The following NECTIN2 variants were observed in gnomAD, a reference collection of about 807,000 sequenced individuals.
NECTIN2 encodes nectin cell adhesion molecule 2, also known as nectin-2.
A neutral mutation model predicts 56.9 loss-of-function variants in NECTIN2; 23 were observed. The ratio of observed to expected loss-of-function variants is 0.40; its 90% CI spans 0.29 to 0.57. NECTIN2 has a LOEUF of 0.57. Among genes scored for constraint, NECTIN2 ranks in the 20% least tolerant of loss-of-function variants. The pLI is 0.38. For missense variants in NECTIN2, 587 were observed against 718.3 expected (o/e 0.82, Z 2.09); for synonymous variants, 302 against 313.8 (o/e 0.96, Z 0.40).
At chr19:44,860,086 A>G (rs1969014547) in intron 1 of NECTIN2, among the ~76,000 whole-genome samples, 1 of 152,228 alleles carries the variant, frequency 6.6e-6, no homozygotes, top group Non-Finnish European at 1.5e-5. Flanking sequence ...CAAGATGCCA[A>G]GTGAAAGAAG....
chr19:44,874,628 C>T lies in NECTIN2; in HGVS notation c.1042+150C>T. On this transcript the variant is annotated intron_variant, in intron 5 of 8. Transcript: ENST00000252483. This position sits in a 1 kb window ranked among gnomAD's most constrained non-coding sequence, Gnocchi z 6.3. ...TGGCTGAGGGGAGATGAGGGTTGGC[C>T]TTCCCCTCGTGGCCTCAGACTGGGG... is the stretch of plus-strand genomic sequence containing the variant. The T allele has an allele frequency of 3.0e-6, 3 of 993,474 alleles. No individual in the cohort carries two copies. In the South Asian group the frequency reaches 4.6e-5, roughly 15 times the overall value. The allele number at this position is 993,474 out of a possible 1,614,324, so 61.5% of individuals were successfully genotyped here.
At chr19:44,876,581 C>T (rs1348743542) in intron 5 of NECTIN2, among the ~76,000 whole-genome samples, 1 of 152,164 alleles carries the variant, frequency 6.6e-6, no homozygotes, top group African/African-American at 2.4e-5. Flanking sequence ...AGAGGAGACA[C>T]ACTCAAAGCT....
intron 2 of NECTIN2, among the ~76,000 whole-genome samples, chr19:44,870,729 C>CTT (rs869253464): frequency 4.2e-5 from 6 of 141,744 alleles, no homozygotes; most frequent in African/African-American, 5.2e-5. Flanking sequence ...TTTTTTTTTC[C>CTT]TTTTTTTTTT....
At chr19:44,871,723 G>A (rs1969176008) in intron 2 of NECTIN2, 130 bp from the exon 3 acceptor site, 24 of 1,039,010 alleles carry the variant, frequency 2.3e-5, no homozygotes, top group Non-Finnish European at 3.3e-5. Context: ...CCCAAGCCAG[G>A]CCGCTGATAA....
Position 44,846,521 on chromosome 19 carries a change from C to T in NECTIN2, c.-5C>T. 6.6e-7 allele frequency: 1 copy of T among 1,508,704 alleles called. No homozygotes were observed. Among genetic ancestry groups the T allele is most frequent in the Admixed American group, 2.1e-5 (1 of 48,038 alleles). 93.5% of individuals were successfully genotyped at this position (1,508,704 alleles called of 1,614,324 possible). A position where few individuals can be genotyped will look rare whatever the true frequency, so the allele number is the denominator to read the frequency against. On this transcript the variant is annotated 5_prime_UTR_variant, in exon 1 of 9. Coordinates refer to ENST00000252483, the MANE Select transcript of NECTIN2 (RefSeq NM_001042724.2). ...GGCCGGGCCCAGTCCCCTCCCGGGC[C>T]CTCCATGGCCCGGGCCGCTGCCCTC...
intron 8 of NECTIN2, among the ~76,000 whole-genome samples, chr19:44,887,234 A>C (rs1214737053): frequency 6.6e-6 from 1 of 152,100 alleles, no homozygotes; most frequent in Non-Finnish European, 1.5e-5. Flanking sequence ...CTGTAATCCC[A>C]GCTATTCAGG....
chr19:44,860,928 A>G (rs1238757875), intron 1 of NECTIN2, among the ~76,000 whole-genome samples: 1 of 151,080 alleles, frequency 6.6e-6, no homozygotes, highest in East Asian at 1.9e-4. Context: ...TGTGTAGCGT[A>G]AGAATTTATA....
chr19:44,882,117 C>T (rs1238866174), intron 5 of NECTIN2, 94 bp from the exon 6 acceptor site: 3 of 1,151,644 alleles, frequency 2.6e-6, no homozygotes, highest in Non-Finnish European at 2.3e-6. Flanking sequence ...AGGACATAGA[C>T]AGGCAGGCGA....
intron 6 of NECTIN2, among the ~76,000 whole-genome samples, chr19:44,883,834 A>T (rs1969333088): frequency 6.6e-6 from 1 of 152,052 alleles, no homozygotes; most frequent in Non-Finnish European, 1.5e-5. Context: ...CTTAAAAAAT[A>T]AAAGACTGGG....
intron 1 of NECTIN2, among the ~76,000 whole-genome samples, chr19:44,860,561 A>G (rs1351004775): frequency 6.6e-6 from 1 of 152,028 alleles, no homozygotes; most frequent in Non-Finnish European, 1.5e-5. Context: ...CTCCAAATAT[A>G]CTTAAAGCCA....
At chr19:44,846,732 G>T in intron 1 of NECTIN2, 119 bp downstream of exon 1, 1 of 1,200,538 alleles carries the variant, frequency 8.3e-7, no homozygotes, top group Non-Finnish European at 1.1e-6. Context: ...CCTCTCGCGT[G>T]CCCCCTTCCT....
intron 1 of NECTIN2, among the ~76,000 whole-genome samples, chr19:44,848,403 GA>G (rs1330176835): frequency 2.0e-5 from 3 of 152,160 alleles, no homozygotes; most frequent in Admixed American, 6.5e-5. Context: ...AGGTCCCGGG[GA>G]AGCCGGGCTC....
At chr19:44,849,868 A>G (rs1968880420) in intron 1 of NECTIN2, among the ~76,000 whole-genome samples, 1 of 152,198 alleles carries the variant, frequency 6.6e-6, no homozygotes, top group Admixed American at 6.5e-5. Context: ...AAAATGTTCT[A>G]TAATTGCTCG....
At chr19:44,852,535 A>T (rs1236940915) in intron 1 of NECTIN2, among the ~76,000 whole-genome samples, 1 of 151,486 alleles carries the variant, frequency 6.6e-6, no homozygotes, top group East Asian at 1.9e-4. Context: ...TCAAAAAAAA[A>T]AAAAAACAGA....
intron 5 of NECTIN2, among the ~76,000 whole-genome samples, chr19:44,878,015 C>G (rs141860102): frequency 6.6e-6 from 1 of 151,952 alleles, no homozygotes; most frequent in East Asian, 1.9e-4. Flanking sequence ...CAGGCTGTAG[C>G]GAAGGGCGGA....
chr19:44,870,874 C>A (rs548225543), intron 2 of NECTIN2, among the ~76,000 whole-genome samples: 77 of 152,186 alleles, frequency 5.1e-4, no homozygotes, highest in African/African-American at 1.7e-3. Context: ...GGATTACAGG[C>A]ACCTGCCACC....
chr19:44,864,012 T>TTC (rs33951304), intron 1 of NECTIN2, among the ~76,000 whole-genome samples: 45,698 of 146,510 alleles, frequency 0.31, 8,092 homozygotes, highest in Non-Finnish European at 0.39. Context: ...TTCAGAGGAT[T>TTC]CCCCCCCCCC....
intron 5 of NECTIN2, chr19:44,878,309 G>A: frequency 6.9e-7 from 1 of 1,459,488 alleles, no homozygotes; most frequent in Non-Finnish European, 9.4e-7. Flanking sequence ...GCTTCTGGCT[G>A]GGGGGTCCTT....
In NECTIN2 at chr19:44,863,806, C is replaced by A. The variant is rs1182865940; in HGVS notation, c.89-1465C>A. Among the ~76,000 whole-genome samples the A allele has an allele frequency of 4.7e-5, 7 of 150,372 alleles. No homozygotes were observed. In the East Asian group the frequency reaches 1.4e-3, roughly 30 times the overall value. The stretch of plus-strand genomic sequence containing the variant: ...TGCAGTGACCAAGATTGCTCCACTG[C>A]ACCCCAGCCTGGGCAACAGAGCGAG... On this transcript the variant is annotated intron_variant, in intron 1 of 8. Coordinates refer to ENST00000252483, the MANE Select transcript of NECTIN2 (RefSeq NM_001042724.2).
Sources: allele counts gnomAD v4.1 joint callset (sites outside exome capture counted in the v4.1 genomes callset), GRCh38; gene constraint gnomAD v4.1.1; non-coding constraint Gnocchi (gnomAD v3.1); transcripts MANE v1.5; gene names NCBI Gene and HGNC (gene_info 2026-07-23, HGNC 2026-07-21).